Variants in ZFP82 observed in about 807,000 individuals in gnomAD.
ZFP82 encodes the protein zinc finger protein 82 homolog.
ZFP82 carries 30 observed loss-of-function variants against 54.0 expected under a neutral mutation model. That is an observed-to-expected ratio of 0.56 (90% CI 0.42 to 0.75). The LOEUF is 0.75. Ranked by LOEUF, ZFP82 falls within the 30% of genes least tolerant of loss-of-function variation. The pLI is 0.00. For missense variants in ZFP82, 500 were observed against 636.8 expected (o/e 0.79, Z 2.31); for synonymous variants, 194 against 209.5 (o/e 0.93, Z 0.64).
chr19:36,407,639 G>A (rs1198094378), intron 3 of ZFP82, among the ~76,000 whole-genome samples: 1 of 152,186 alleles, frequency 6.6e-6, no homozygotes, highest in African/African-American at 2.4e-5. Context: ...ACGCTGGTGA[G>A]GCTACAAATC....
At chr19:36,388,229 AC>A (rs1181092083), downstream of ZFP82, among the ~76,000 whole-genome samples, 2 of 152,234 alleles carry the variant, frequency 1.3e-5, no homozygotes, top group East Asian at 3.9e-4. Flanking sequence ...ATTTACTGAT[AC>A]TTTTTTGCGA....
At chr19:36,405,222 G>A (rs1300049440) in intron 4 of ZFP82, among the ~76,000 whole-genome samples, 2 of 146,418 alleles carry the variant, frequency 1.4e-5, no homozygotes, top group Non-Finnish European at 3.0e-5. Flanking sequence ...AAGGAGGAAA[G>A]CAACTGAATC....
chr19:36,403,000 G>A (rs922201898), intron 4 of ZFP82, among the ~76,000 whole-genome samples: 18 of 151,740 alleles, frequency 1.2e-4, no homozygotes, highest in South Asian at 2.1e-4. Flanking sequence ...AAAATTAGCC[G>A]GGCGTGGTGG....
chr19:36,384,052 T>A (rs2032089483), downstream of ZFP82: 1 of 152,230 alleles, frequency 6.6e-6, no homozygotes, highest in Non-Finnish European at 1.5e-5. Flanking sequence ...AGCATACTGA[T>A]GCTCTCTACT....
At chr19:36,399,215 C>G (rs1156704766) in intron 4 of ZFP82, among the ~76,000 whole-genome samples, 1 of 152,146 alleles carries the variant, frequency 6.6e-6, no homozygotes, top group East Asian at 1.9e-4. Context: ...ATGAGGAAAA[C>G]TTCGAAACAC....
At chr19:36,412,076 C>CAG (rs373512524) in intron 1 of ZFP82, among the ~76,000 whole-genome samples, 128 of 93,222 alleles carry the variant, frequency 1.4e-3, no homozygotes, top group East Asian at 0.014. Context: ...GTGAGAGAAA[C>CAG]AGAGAGAGAG....
chr19:36,390,857 C>G lies in ZFP82; in HGVS notation c.*1884G>C, dbSNP rs1002785822. On this transcript the variant is annotated 3_prime_UTR_variant, in exon 5 of 5. Transcript: ENST00000392161. ...GATCTCGGCTCACTGCAAGCTCCGC[C>G]TCCCGGGTTCAAGCCATTCTCCTGC... 3 of 152,166 alleles carry G rather than the reference C, an allele frequency of 2.0e-5. No homozygotes were observed. Among genetic ancestry groups the G allele is most frequent in the Non-Finnish European group, 1.5e-5 (1 of 68,054 alleles). The allele number at this position is 152,166 out of a possible 1,614,324, so 9.4% of individuals were successfully genotyped here. A position where few individuals can be genotyped will look rare whatever the true frequency, so the allele number is the denominator to read the frequency against.
rs1462891100 is a variant in ZFP82 at position 36,408,033 on chromosome 19, A to C, written c.10-20T>G. On this transcript the variant is annotated intron_variant, in intron 2 of 4. Transcript: ENST00000392161. ...TGATCGCTGAAATGACAAACCACAC[A>C]TTATAAATGAAATGGAAGAAAATGT... The C allele has an allele frequency of 6.2e-7, 1 of 1,607,300 alleles. No homozygotes were observed.
At chr19:36,404,735 T>TCTCC (rs1217112470) in intron 4 of ZFP82, among the ~76,000 whole-genome samples, 1 of 152,172 alleles carries the variant, frequency 6.6e-6, no homozygotes, top group East Asian at 1.9e-4. Flanking sequence ...TGTCTTACCC[T>TCTCC]CTCCCTCCCT....
downstream of ZFP82, among the ~76,000 whole-genome samples, chr19:36,386,589 C>T (rs768301765): frequency 1.5e-4 from 23 of 152,220 alleles, no homozygotes; most frequent in Non-Finnish European, 2.9e-4. Flanking sequence ...GCCCCCACCC[C>T]AGTGTGTCCA....
intron 4 of ZFP82, among the ~76,000 whole-genome samples, chr19:36,397,748 C>G (rs2032321211): frequency 6.6e-6 from 1 of 151,936 alleles, no homozygotes; most frequent in Admixed American, 6.6e-5. Context: ...CCACCACACC[C>G]GGCTAAATTT....
chr19:36,408,126 G>A (rs2032516047), intron 2 of ZFP82, 113 bp from the exon 3 acceptor site: 1 of 1,234,878 alleles, frequency 8.1e-7, no homozygotes, highest in Non-Finnish European at 1.1e-6. Flanking sequence ...CAAGAAAACA[G>A]GCTTGGGCTG....
rs2032193045 is a variant in ZFP82 at position 36,391,160 on chromosome 19, G to T, written c.*1581C>A. ...TTGAAATATAGTTTGTAAAGGATAGGCAAGGTAAATATTCCATTCTTTTCC... is the reference window on the plus strand; with the variant it reads ...TTGAAATATAGTTTGTAAAGGATAGTCAAGGTAAATATTCCATTCTTTTCC... On this transcript the variant is annotated 3_prime_UTR_variant, in exon 5 of 5. Coordinates refer to ENST00000392161, the MANE Select transcript of ZFP82 (RefSeq NM_133466.4). 6.6e-6 allele frequency: 1 copy of T among 151,910 alleles called. No individual in the cohort carries two copies. The highest frequency in any genetic ancestry group is 2.1e-4 in the South Asian group (1 of 4,820). 9.4% of individuals were successfully genotyped at this position (151,910 alleles called of 1,614,324 possible).
rs1308117348 is a variant in ZFP82, at chr19:36,392,967, G to A, written c.1373C>T (p.Ala458Val). The A allele has an allele frequency of 1.2e-6, 2 of 1,614,070 alleles. No homozygotes were observed. Among genetic ancestry groups the A allele is most frequent in the African/African-American group, 1.3e-5 (1 of 75,010 alleles). The change falls in exon 5 of 5, where the codon GCC becomes GTC. Residue 458 changes from alanine to valine, a missense_variant. Coordinates refer to ENST00000392161, the MANE Select transcript of ZFP82 (RefSeq NM_133466.4). ...AGTAAGTTTTTGGCGCAATCTAAAG[G>A]CCTTGCCACATTCCTTACATTTATA... ...KPYKCKECGK[A>V]FRLRQKLTLH...
rs550368358 is a variant in ZFP82, at chr19:36,409,343, T to C, written c.9+438A>G. ...GTACAGTGGCACATCCATAGCTTCA[T>C]TGGAGCCTCAAACTCCTGGGCTCAA... On this transcript the variant is annotated intron_variant, in intron 2 of 4. Transcript: ENST00000392161. Among the ~76,000 whole-genome samples, 213 of 152,136 alleles carry C rather than the reference T, an allele frequency of 1.4e-3. 2 individuals carry two copies. The highest frequency in any genetic ancestry group is 1.5e-3 in the Non-Finnish European group (101 of 67,976).
At chr19:36,414,316 C>T (rs1401150942) in intron 1 of ZFP82, among the ~76,000 whole-genome samples, 1 of 149,818 alleles carries the variant, frequency 6.7e-6, no homozygotes, top group Middle Eastern at 3.6e-3. Flanking sequence ...CAGCATTGCT[C>T]TTAAAACATT....
chr19:36,407,349 T>G (rs2032502317), intron 3 of ZFP82, among the ~76,000 whole-genome samples: 1 of 152,168 alleles, frequency 6.6e-6, no homozygotes, highest in Non-Finnish European at 1.5e-5. Context: ...GTGCTGGGAT[T>G]ACAGGCGTGA....
At position 36,393,099 on chromosome 19, in the gene ZFP82, C is replaced by G. The variant is rs754357801; in HGVS notation, c.1241G>C (p.Ser414Thr). 6.2e-7 allele frequency: 1 copy of G among 1,611,622 alleles called. No homozygotes were observed. The highest frequency in any genetic ancestry group is 8.5e-7 in the Non-Finnish European group (1 of 1,179,394). The change falls in exon 5 of 5, where the codon AGT becomes ACT. Residue 414 changes from serine (S) to threonine (T), a missense_variant. Transcript: ENST00000392161. ...ATAGGGCTTAACACCAATATGAATA[C>G]TCTGATGTGAAATAAGTTGTGAGTA... The part of the protein sequence containing the change: ...SRYSQLISHQ[S>T]IHIGVKPYDC...
At chr19:36,407,064 T>G (rs965501150) in intron 3 of ZFP82, among the ~76,000 whole-genome samples, 1 of 148,270 alleles carries the variant, frequency 6.7e-6, no homozygotes, top group African/African-American at 2.5e-5. Flanking sequence ...AATCTTAGAT[T>G]TTTAATTTTC....
Sources: allele counts gnomAD v4.1 joint callset (sites outside exome capture counted in the v4.1 genomes callset), GRCh38; gene constraint gnomAD v4.1.1; transcripts MANE v1.5; gene names NCBI Gene and HGNC (gene_info 2026-07-23, HGNC 2026-07-21).